The following NPC1 variants were observed in gnomAD, a reference collection of about 807,000 sequenced individuals.
NPC1 encodes NPC intracellular cholesterol transporter 1, also known as Niemann-Pick C1 protein.
In NPC1, 85 loss-of-function variants were observed where a neutral mutation model predicts 140.4. The ratio of observed to expected loss-of-function variants is 0.61; its 90% CI spans 0.51 to 0.72. NPC1 has a LOEUF of 0.72. Ranked by LOEUF, NPC1 falls within the 30% of genes least tolerant of loss-of-function variation. The pLI is 0.00. For missense variants in NPC1, 1,504 were observed against 1,623.8 expected, an observed-to-expected ratio of 0.93 and a Z score of 1.27; for synonymous variants, 656 against 624.8, an observed-to-expected ratio of 1.05 and a Z score of -0.74.
At chr18:23,555,907 C>T (rs2058943110) in intron 8 of NPC1, among the ~76,000 whole-genome samples, 1 of 152,142 alleles carries the variant, frequency 6.6e-6, no homozygotes, top group African/African-American at 2.4e-5. Flanking sequence ...AAACATTTCA[C>T]AAATTCCTAA....
downstream of NPC1, chr18:23,520,416 ACAGAGATTCC>A (rs2058112868): frequency 1.5e-5 from 14 of 937,956 alleles, no homozygotes; most frequent in South Asian, 2.2e-4. Flanking sequence ...TGAGGAATAA[ACAGAGATTCC>A]CAGATCTGTC....
Position 23,536,758 on chromosome 18 carries a change from C to T in NPC1, c.3160G>A (p.Ala1054Thr), listed in dbSNP as rs80358258. The change falls in exon 21 of 25, where the codon GCT (alanine) becomes ACT (threonine). Residue 1054 changes from alanine (A) to threonine (T), a missense_variant. Coordinates refer to ENST00000269228, the MANE Select transcript of NPC1 (RefSeq NM_000271.5). ...GCTATAAGTCGGGCTTTCTTCAGAG[C>T]GTCAATAAAGTCAGCAGAGGTCTGC... ...VLQTSADFID[A>T]LKKARLIASN... 3 of 1,614,132 alleles carry T rather than the reference C, an allele frequency of 1.9e-6. No homozygotes were observed. The highest frequency in any genetic ancestry group is 1.1e-5 in the South Asian group (1 of 91,080).
intron 3 of NPC1, among the ~76,000 whole-genome samples, chr18:23,510,335 A>G (rs1271531934): frequency 1.3e-5 from 2 of 151,822 alleles, no homozygotes; most frequent in African/African-American, 4.8e-5. Flanking sequence ...AAAAAAAAAC[A>G]AAAACACAAC....
chr18:23,572,445 T>C (rs1013008139), intron 2 of NPC1, among the ~76,000 whole-genome samples: 1 of 124,466 alleles, frequency 8.0e-6, no homozygotes, highest in Admixed American at 8.2e-5. Context: ...CTTCTTAGGG[T>C]TTTTTGTTTG....
In NPC1 at chr18:23,554,993, A is replaced by T. The variant is rs375922122; in HGVS notation, c.1327-9T>A. The stretch of plus-strand genomic sequence containing the variant: ...ATTTGTAAGTCAAGAACCTGAAAGA[A>T]GATTTTAAAAATAAGCAAACCCAGA... On this transcript the variant is annotated splice_polypyrimidine_tract_variant and intron_variant, in intron 8 of 24. Coordinates refer to ENST00000269228, the MANE Select transcript of NPC1 (RefSeq NM_000271.5). 9 of 1,584,668 alleles carry T rather than the reference A, an allele frequency of 5.7e-6. No homozygotes were observed. The African/African-American group carries it at 1.2e-4, about 21-fold the overall frequency.
At chr18:23,573,775 G>A (rs1458084452) in intron 1 of NPC1, among the ~76,000 whole-genome samples, 3 of 152,156 alleles carry the variant, frequency 2.0e-5, no homozygotes, top group Admixed American at 6.5e-5. Context: ...AGTAGGTAAT[G>A]GAAATTGCTT....
chr18:23,575,447 A>G (rs1314274340), intron 1 of NPC1, among the ~76,000 whole-genome samples: 1 of 152,108 alleles, frequency 6.6e-6, no homozygotes, highest in African/African-American at 2.4e-5. Flanking sequence ...ACCTGGGATC[A>G]CACCTGGAGC....
At chr18:23,560,907 C>A (rs1168394537) in intron 5 of NPC1, among the ~76,000 whole-genome samples, 3 of 152,226 alleles carry the variant, frequency 2.0e-5, no homozygotes, top group South Asian at 2.1e-4. Flanking sequence ...AAATTAGCCA[C>A]AGCAGGATAA....
intron 3 of NPC1, chr18:23,516,442 G>A: frequency 6.2e-7 from 1 of 1,608,178 alleles, no homozygotes; most frequent in South Asian, 1.1e-5. Flanking sequence ...GTGTCAGAGA[G>A]AATTCCATCC....
rs150715145 is a variant in NPC1 at position 23,515,954 on chromosome 18, T to C, written c.432-9312A>G. 2.5e-6 allele frequency: 4 copies of C among 1,614,194 alleles called. No individual in the cohort carries two copies. In the African/African-American group the frequency reaches 5.3e-5, roughly 22 times the overall value. On this transcript the variant is annotated intron_variant, in intron 3 of 3. Coordinates refer to the NPC1 transcript ENST00000591107. ...CCGAGAGCGCCGTGATCTTGCTGTC[T>C]ACCACGGTCCTGGAGAATGTCCTGC...
intron 10 of NPC1, among the ~76,000 whole-genome samples, chr18:23,551,276 G>C (rs1485476855): frequency 5.3e-5 from 8 of 152,144 alleles, no homozygotes. Flanking sequence ...GCTCTTACCT[G>C]AGGTCCATGA....
downstream of NPC1, chr18:23,529,756 T>TAA (rs199522028): frequency 1.3e-5 from 18 of 1,423,278 alleles, no homozygotes; most frequent in Middle Eastern, 1.8e-4. Context: ...AGAAGGAATT[T>TAA]AAAAAAAAAA....
At chr18:23,527,422 C>T (rs1177277596), downstream of NPC1, among the ~76,000 whole-genome samples, 3 of 151,148 alleles carry the variant, frequency 2.0e-5, no homozygotes, top group African/African-American at 7.3e-5. Flanking sequence ...AATAATAATC[C>T]CCTACCAATA....
chr18:23,564,657 C>A (rs1194872537), intron 4 of NPC1, among the ~76,000 whole-genome samples: 1 of 152,162 alleles, frequency 6.6e-6, no homozygotes, highest in Admixed American at 6.5e-5. Flanking sequence ...CTCTGAAATA[C>A]AAACTTTTTT....
intron 1 of NPC1, among the ~76,000 whole-genome samples, chr18:23,576,229 C>T (rs754428541): frequency 6.6e-6 from 1 of 151,358 alleles, no homozygotes; most frequent in East Asian, 1.9e-4. Context: ...TCTCAAAAAA[C>T]AAACAAAAAA....
At chr18:23,535,382 C>T in intron 22 of NPC1, 87 bp downstream of exon 22, 19 of 970,278 alleles carry the variant, frequency 2.0e-5, no homozygotes, top group Non-Finnish European at 2.9e-5. Context: ...CTTACTCCAT[C>T]TTTAGGGTTT....
At chr18:23,577,889 TTGCCCGGGGCCAGCAGGGCTGGC>T (rs1567985707) in intron 1 of NPC1, among the ~76,000 whole-genome samples, 1 of 152,216 alleles carries the variant, frequency 6.6e-6, no homozygotes, top group African/African-American at 2.4e-5. Context: ...AAGTCCCCCA[TTGCCCGGGGCCAGCAGGGCTGGC>T]TGGCTGCTCC....
At chr18:23,583,199 C>G (rs559781541) in intron 1 of NPC1, among the ~76,000 whole-genome samples, 7 of 151,414 alleles carry the variant, frequency 4.6e-5, no homozygotes, top group African/African-American at 4.8e-5. Context: ...TCTTAAGGAG[C>G]CTGCAATTCG....
At chr18:23,553,277 T>C (rs1183493871) in intron 9 of NPC1, among the ~76,000 whole-genome samples, 1 of 152,274 alleles carries the variant, frequency 6.6e-6, no homozygotes, top group African/African-American at 2.4e-5. Flanking sequence ...TAACATTAAA[T>C]GGTTGTCCAA....
Sources: gnomAD v4.1 joint callset for allele counts (sites outside exome capture counted in the v4.1 genomes callset) on GRCh38, gnomAD v4.1.1 for gene constraint, MANE v1.5 for transcripts, NCBI Gene and HGNC (gene_info 2026-07-23, HGNC 2026-07-21) for gene names.